GALNTL6: variants seen among roughly 807,000 people sequenced by gnomAD.
The protein encoded by GALNTL6 is polypeptide N-acetylgalactosaminyltransferase like 6.
Under a neutral mutation model 73.7 loss-of-function variants are expected in GALNTL6, and 46 were observed. That is an observed-to-expected ratio of 0.62 (90% CI 0.49 to 0.80). The LOEUF is 0.80. GALNTL6 is among the 30% of genes least tolerant of loss of function. The probability of loss-of-function intolerance (pLI) is 0.00; values close to 1 mark genes in which losing one functional copy is unlikely to be tolerated. For synonymous variants in GALNTL6, 259 were observed against 263.7 expected (o/e 0.98, Z 0.17); for missense variants, 604 against 755.0 (o/e 0.80, Z 2.34).
chr4:172,031,199 C>T (rs573858771), intron 2 of GALNTL6, among the ~76,000 whole-genome samples: 43 of 139,998 alleles, frequency 3.1e-4, no homozygotes, highest in African/African-American at 1.0e-3. Context: ...AGAATTTCAC[C>T]TGGGGGAGAG....
At chr4:172,336,314 A>G (rs1327100329) in intron 4 of GALNTL6, among the ~76,000 whole-genome samples, 19 of 106,830 alleles carry the variant, frequency 1.8e-4, no homozygotes, top group Non-Finnish European at 2.9e-4. Context: ...TCTGTTGCCC[A>G]GGCTGGAGTG....
chr4:172,219,991 A>G (rs769640160), intron 2 of GALNTL6, among the ~76,000 whole-genome samples: 15 of 151,930 alleles, frequency 9.9e-5, no homozygotes, highest in Non-Finnish European at 2.1e-4. Flanking sequence ...TATATTTTAC[A>G]TTCAGCCAGT....
chr4:171,886,082 G>A (rs995361775), intron 2 of GALNTL6, among the ~76,000 whole-genome samples: 1 of 151,900 alleles, frequency 6.6e-6, no homozygotes, highest in Non-Finnish European at 1.5e-5. Context: ...GTTGCTAAAG[G>A]ATAAAATATC....
intron 3 of GALNTL6, chr4:172,266,476 G>A (rs942498357): frequency 2.0e-5 from 3 of 151,850 alleles, no homozygotes; most frequent in Admixed American, 1.3e-4. Flanking sequence ...CTTAAAAATT[G>A]GTTACAAAGT....
intron 3 of GALNTL6, among the ~76,000 whole-genome samples, chr4:172,301,003 C>G (rs188336000): frequency 6.6e-6 from 1 of 152,332 alleles, no homozygotes; most frequent in Non-Finnish European, 1.5e-5. Context: ...TTCAGGTTCA[C>G]CAATCAGACG....
intron 5 of GALNTL6, among the ~76,000 whole-genome samples, chr4:172,489,992 AC>A (rs1733839561): frequency 6.6e-6 from 1 of 152,212 alleles, no homozygotes; most frequent in Admixed American, 6.5e-5. Context: ...AACATAGGCA[AC>A]TAGTAGAGAC....
intron 2 of GALNTL6, among the ~76,000 whole-genome samples, chr4:172,008,796 T>C (rs1434266177): frequency 6.6e-6 from 1 of 152,092 alleles, no homozygotes; most frequent in East Asian, 1.9e-4. Context: ...TTCCACATCC[T>C]TATGCAGAGC....
intron 2 of GALNTL6, among the ~76,000 whole-genome samples, chr4:171,921,319 A>G (rs1737780237): frequency 1.3e-5 from 2 of 152,118 alleles, no homozygotes; most frequent in Admixed American, 1.3e-4. Context: ...AAAAATACAA[A>G]GTGTATTGAT....
intron 2 of GALNTL6, among the ~76,000 whole-genome samples, chr4:172,098,897 A>G (rs546599062): frequency 1.8e-4 from 27 of 152,272 alleles, no homozygotes; most frequent in African/African-American, 6.0e-4. Flanking sequence ...ATCGGACCCT[A>G]AAGGGGAGGC....
chr4:172,334,064 A>T (rs1302822218), intron 4 of GALNTL6, among the ~76,000 whole-genome samples: 1 of 152,120 alleles, frequency 6.6e-6, no homozygotes, highest in African/African-American at 2.4e-5. Flanking sequence ...TTTTATACCA[A>T]TACCAGTGCT....
At chr4:172,380,816 T>A (rs1743258286) in intron 5 of GALNTL6, among the ~76,000 whole-genome samples, 1 of 152,246 alleles carries the variant, frequency 6.6e-6, no homozygotes, top group Non-Finnish European at 1.5e-5. Context: ...ATCCTTAAAG[T>A]AATTTCAGTT....
At chr4:172,865,378 TCA>T (rs1164081340) in intron 7 of GALNTL6, among the ~76,000 whole-genome samples, 6 of 152,236 alleles carry the variant, frequency 3.9e-5, no homozygotes, top group African/African-American at 9.6e-5. Context: ...CTGATAATAT[TCA>T]CAGTCTCATT....
In GALNTL6 at chr4:172,522,676, C is replaced by G. The variant is rs865865163; in HGVS notation, c.553+173987C>G. ...CGAGTGAAACTCAGTCCCCCCCCCC[C>G]CCAAAAAAAAAGTGTATTTTACTGT... is the stretch of plus-strand genomic sequence containing the variant. On this transcript the variant is annotated intron_variant, in intron 5 of 12. Coordinates refer to ENST00000506823, the MANE Select transcript of GALNTL6 (RefSeq NM_001034845.3). 1.3e-3 allele frequency among the ~76,000 whole-genome samples: 89 copies of G among 67,084 alleles called. 3 individuals carry two copies. Among genetic ancestry groups the G allele is most frequent in the East Asian group, 2.4e-3 (4 of 1,662 alleles). 44.0% of individuals were successfully genotyped at this position (67,084 alleles called of 152,430 possible). A position where few individuals can be genotyped will look rare whatever the true frequency, so the allele number is the denominator to read the frequency against.
Position 173,036,301 on chromosome 4 carries a change from G to T in GALNTL6, c.1639-3632G>T, listed in dbSNP as rs191445113. ...ATTTGGTTCTTTTATGACCAGTGTG[G>T]AATCTTTTCTGTAACTCACACATTC... On this transcript the variant is annotated intron_variant, in intron 12 of 12. Transcript: ENST00000506823. Among the ~76,000 whole-genome samples the T allele has an allele frequency of 1.3e-4, 20 of 152,126 alleles. No individual in the cohort carries two copies. In the East Asian group the frequency reaches 3.5e-3, roughly 26 times the overall value.
chr4:172,539,878 TA>T (rs1561128629), intron 5 of GALNTL6, among the ~76,000 whole-genome samples: 63 of 5,286 alleles, frequency 0.012, no homozygotes, highest in Non-Finnish European at 0.016. Context: ...CATATGATTA[TA>T]TATATATATA....
At position 172,558,646 on chromosome 4, in the gene GALNTL6, C is replaced by G. The variant is rs183167755; in HGVS notation, c.553+209957C>G. 4.5e-3 allele frequency among the ~76,000 whole-genome samples: 682 copies of G among 152,200 alleles called. 1 individual carries two copies. The highest frequency in any genetic ancestry group is 0.01 in the Middle Eastern group (3 of 294). On this transcript the variant is annotated intron_variant, in intron 5 of 12. Transcript: ENST00000506823. ...AGGTAATACATTTATGTTGTTTAAGCCACCGAGTCTGTGCTATTTTTGTAT... is the reference window on the plus strand; with the variant it reads ...AGGTAATACATTTATGTTGTTTAAGGCACCGAGTCTGTGCTATTTTTGTAT...
chr4:173,040,254 A>C lies in GALNTL6; in HGVS notation c.*154A>C, dbSNP rs977395714. ...CATGTCAAAGTAGGTTGTTTTGAAG[A>C]ACTTCCTGCATCTGAAGAACTTGGC... On this transcript the variant is annotated 3_prime_UTR_variant, in exon 13 of 13. Transcript: ENST00000506823. 1 of 547,370 alleles carries C rather than the reference A, an allele frequency of 1.8e-6. No homozygotes were observed. Among genetic ancestry groups the C allele is most frequent in the Admixed American group, 3.6e-5 (1 of 27,484 alleles). The allele number at this position is 547,370 out of a possible 1,614,324, so 33.9% of individuals were successfully genotyped here. A position where few individuals can be genotyped will look rare whatever the true frequency, so the allele number is the denominator to read the frequency against.
At chr4:172,996,892 G>T (rs907121109) in intron 10 of GALNTL6, among the ~76,000 whole-genome samples, 7 of 152,078 alleles carry the variant, frequency 4.6e-5, no homozygotes, top group African/African-American at 1.7e-4. Context: ...CTCTTGCAAA[G>T]GTTAGGAGAT....
intron 2 of GALNTL6, among the ~76,000 whole-genome samples, chr4:172,219,017 G>A (rs1056869310): frequency 2.0e-5 from 3 of 150,596 alleles, no homozygotes; most frequent in Non-Finnish European, 4.4e-5. Context: ...TTAACAAATT[G>A]AGACCAGAAT....
Sources: gnomAD v4.1 joint callset for allele counts (sites outside exome capture counted in the v4.1 genomes callset) on GRCh38, gnomAD v4.1.1 for gene constraint, MANE v1.5 for transcripts, NCBI Gene and HGNC (gene_info 2026-07-23, HGNC 2026-07-21) for gene names.